Variants in ERBB4 observed in about 807,000 individuals in gnomAD.
The protein encoded by ERBB4 is erb-b2 receptor tyrosine kinase 4.
In ERBB4, 42 loss-of-function variants were observed where a neutral mutation model predicts 158.0. The ratio of observed to expected loss-of-function variants is 0.27; its 90% confidence interval spans 0.21 to 0.34. The LOEUF (loss-of-function observed/expected upper bound fraction) is 0.34, where lower values mean the gene tolerates loss of function less well. Ranked by LOEUF, ERBB4 falls within the 10% of genes least tolerant of loss-of-function variation. The pLI, the probability that ERBB4 is intolerant of heterozygous loss-of-function variation, is 1.00. For synonymous variants in ERBB4, 583 were observed against 558.7 expected (o/e 1.04, Z -0.61); for missense variants, 1,333 against 1,624.1 (o/e 0.82, Z 3.08).
chr2:212,254,417 T>C (rs1247409206), intron 1 of ERBB4, among the ~76,000 whole-genome samples: 5 of 152,142 alleles, frequency 3.3e-5, no homozygotes, highest in South Asian at 4.1e-4. Flanking sequence ...TTATTTAAAA[T>C]TGCAATCCTG....
chr2:212,490,476 T>A (rs1422588296), intron 1 of ERBB4, among the ~76,000 whole-genome samples: 2 of 151,860 alleles, frequency 1.3e-5, no homozygotes, highest in Non-Finnish European at 2.9e-5. Context: ...AAGTTTTACA[T>A]CTCTGTATCT....
intron 2 of ERBB4, among the ~76,000 whole-genome samples, chr2:212,001,977 C>A (rs2076116135): frequency 6.6e-6 from 1 of 152,096 alleles, no homozygotes; most frequent in Non-Finnish European, 1.5e-5. Flanking sequence ...GAATTTTCCA[C>A]TTATAATTTT....
intron 1 of ERBB4, among the ~76,000 whole-genome samples, chr2:212,185,471 A>G (rs2081990319): frequency 6.6e-6 from 1 of 152,182 alleles, no homozygotes; most frequent in African/African-American, 2.4e-5. Flanking sequence ...CAATTAAAAT[A>G]TAAATAACCC....
chr2:211,720,473 T>A, intron 7 of ERBB4, among the ~76,000 whole-genome samples: 1 of 152,242 alleles, frequency 6.6e-6, no homozygotes, highest in East Asian at 1.9e-4. Context: ...GCAGATATTT[T>A]GTCACCGGGA....
chr2:211,785,370 G>T (rs2076136074), intron 4 of ERBB4, among the ~76,000 whole-genome samples: 1 of 152,068 alleles, frequency 6.6e-6, no homozygotes, highest in Admixed American at 6.5e-5. Flanking sequence ...CAAAGTGCTG[G>T]GATTACAGGC....
chr2:211,533,956 G>A (rs898879855), intron 20 of ERBB4, among the ~76,000 whole-genome samples: 2 of 152,018 alleles, frequency 1.3e-5, no homozygotes, highest in Non-Finnish European at 2.9e-5. Flanking sequence ...ACTTTCCTAT[G>A]ATTTCTTATA....
At chr2:211,893,932 G>T (rs1309788371) in intron 3 of ERBB4, among the ~76,000 whole-genome samples, 16 of 115,798 alleles carry the variant, frequency 1.4e-4, no homozygotes, top group East Asian at 2.4e-4. Flanking sequence ...AGAGGATGTG[G>T]AGAAATAGGA....
chr2:211,688,750 A>G (rs1327778138), intron 12 of ERBB4, among the ~76,000 whole-genome samples: 1 of 152,200 alleles, frequency 6.6e-6, no homozygotes, highest in African/African-American at 2.4e-5. Flanking sequence ...ACTAAGCTTC[A>G]TTTAAAACTA....
chr2:211,679,034 C>G lies in ERBB4; in HGVS notation c.1622+18G>C, dbSNP rs767616665. 1 of 1,597,912 alleles carries G rather than the reference C, an allele frequency of 6.3e-7. No individual in the cohort carries two copies. The highest frequency in any genetic ancestry group is 1.7e-5 in the Admixed American group (1 of 59,410). ...TTCAAAGCTCATGAGGTGAAGGCAA[C>G]CCTAGAAGAAGCCTTACCCATCATA... On this transcript the variant is annotated intron_variant, in intron 13 of 27. Coordinates refer to ENST00000342788, the MANE Select transcript of ERBB4 (RefSeq NM_005235.3).
At chr2:212,135,843 C>A (rs371366893) in intron 1 of ERBB4, among the ~76,000 whole-genome samples, 8 of 152,290 alleles carry the variant, frequency 5.3e-5, no homozygotes, top group African/African-American at 1.9e-4. Flanking sequence ...ACAATTTCCA[C>A]TCATCAAGGC....
rs552651121 is a variant in ERBB4, at chr2:211,442,792, T to C, written c.2488-11692A>G. 9.2e-5 allele frequency among the ~76,000 whole-genome samples: 14 copies of C among 152,186 alleles called. No homozygotes were observed. In the South Asian group the frequency reaches 2.9e-3, roughly 32 times the overall value. On this transcript the variant is annotated intron_variant, in intron 20 of 27. Coordinates refer to ENST00000342788, the MANE Select transcript of ERBB4 (RefSeq NM_005235.3). ...TATTGACTTGATTAATTTGTCAAAC[T>C]ATTTTTAAGAGAATTAAACACTAAA...
intron 1 of ERBB4, among the ~76,000 whole-genome samples, chr2:212,222,647 C>T (rs555238753): frequency 6.6e-6 from 1 of 151,242 alleles, no homozygotes; most frequent in Admixed American, 6.6e-5. Flanking sequence ...CCCACTCTTG[C>T]TCCTTTGGGT....
intron 27 of ERBB4, among the ~76,000 whole-genome samples, chr2:211,385,132 AAGT>A (rs2062659166): frequency 6.6e-6 from 1 of 152,130 alleles, no homozygotes; most frequent in African/African-American, 2.4e-5. Flanking sequence ...TTAGCCCAAT[AAGT>A]AGAGAGAAAA....
chr2:211,949,148 C>G (rs2080801337), intron 2 of ERBB4, among the ~76,000 whole-genome samples: 1 of 152,134 alleles, frequency 6.6e-6, no homozygotes. Flanking sequence ...ATGGCTCCCA[C>G]CTGAGCCATC....
At chr2:211,466,669 A>T (rs1280625895) in intron 20 of ERBB4, among the ~76,000 whole-genome samples, 1 of 152,164 alleles carries the variant, frequency 6.6e-6, no homozygotes, top group Non-Finnish European at 1.5e-5. Flanking sequence ...CAATGAATTC[A>T]GTGAGTAGAA....
At chr2:211,854,644 G>A (rs1214557658) in intron 3 of ERBB4, among the ~76,000 whole-genome samples, 3 of 152,000 alleles carry the variant, frequency 2.0e-5, no homozygotes, top group Admixed American at 1.3e-4. Flanking sequence ...GATTCAACCC[G>A]TGTTGTACAA....
chr2:211,861,042 T>TATATATATAAATATA (rs2078010306), intron 3 of ERBB4, among the ~76,000 whole-genome samples: 5 of 12,214 alleles, frequency 4.1e-4, no homozygotes, highest in Admixed American at 1.4e-3. Context: ...ATAATATATT[T>TATATATATAAATATA]ATATATTTAT....
At chr2:211,656,468 A>T (rs1264347948) in intron 16 of ERBB4, among the ~76,000 whole-genome samples, 1 of 152,266 alleles carries the variant, frequency 6.6e-6, no homozygotes, top group African/African-American at 2.4e-5. Flanking sequence ...GAAATATTTT[A>T]TGAGATATTT....
At chr2:211,655,226 G>A (rs1440938529) in intron 16 of ERBB4, among the ~76,000 whole-genome samples, 68 of 151,988 alleles carry the variant, frequency 4.5e-4, no homozygotes, top group Non-Finnish European at 4.4e-5. Flanking sequence ...TCCTTCAAGG[G>A]GCCCATCAAA....
Sources: gnomAD v4.1 joint callset for allele counts (sites outside exome capture counted in the v4.1 genomes callset) on GRCh38, gnomAD v4.1.1 for gene constraint, MANE v1.5 for transcripts, NCBI Gene and HGNC (gene_info 2026-07-23, HGNC 2026-07-21) for gene names.